AAK1: variants seen among roughly 807,000 people sequenced by gnomAD.
AAK1 encodes the protein AP2 associated kinase 1, also known as AP2-associated protein kinase 1.
A neutral mutation model predicts 116.0 loss-of-function variants in AAK1; 37 were observed. The ratio of observed to expected loss-of-function variants is 0.32; its 90% CI spans 0.25 to 0.42. The LOEUF (loss-of-function observed/expected upper bound fraction) is 0.42, where lower values mean the gene tolerates loss of function less well. AAK1 is among the 10% of genes least tolerant of loss of function. The probability of loss-of-function intolerance (pLI) is 1.00; values close to 1 mark genes in which losing one functional copy is unlikely to be tolerated. For missense variants in AAK1, 919 were observed against 1,170.6 expected, an observed-to-expected ratio of 0.79 and a Z score of 3.14; for synonymous variants, 458 against 439.9, an observed-to-expected ratio of 1.04 and a Z score of -0.51.
chr2:69,503,502 G>A (rs1176557748), intron 16 of AAK1, among the ~76,000 whole-genome samples: 1 of 152,124 alleles, frequency 6.6e-6, no homozygotes, highest in South Asian at 2.1e-4. Flanking sequence ...TACATCTGGT[G>A]TATCCTAGAA....
Position 69,471,258 on chromosome 2 carries a change from T to C in AAK1, c.*4611A>G, listed in dbSNP as rs1347605033. On this transcript the variant is annotated 3_prime_UTR_variant, in exon 22 of 22. Coordinates refer to ENST00000409085, the MANE Select transcript of AAK1 (RefSeq NM_014911.5). ...CATTTGGTAACTTCTTTGCATAGGT[T>C]AGCATTACCCAAGGAGCCTCCCTAT... 1.0e-6 allele frequency: 1 copy of C among 985,320 alleles called. No homozygotes were observed. The highest frequency in any genetic ancestry group is 1.1e-4 in the East Asian group (1 of 8,830). 61.0% of individuals were successfully genotyped at this position (985,320 alleles called of 1,614,324 possible).
At chr2:69,500,698 T>TATGTATATATATACAC in intron 16 of AAK1, among the ~76,000 whole-genome samples, 3 of 65,102 alleles carry the variant, frequency 4.6e-5, no homozygotes, top group African/African-American at 2.4e-4. Flanking sequence ...TATATATATA[T>TATGTATATATATACAC]ACACACACAC....
In AAK1 at chr2:69,632,989, G is replaced by C. The variant is rs995173345; in HGVS notation, c.163+9889C>G. On this transcript the variant is annotated intron_variant, in intron 2 of 21. Coordinates refer to ENST00000409085, the MANE Select transcript of AAK1 (RefSeq NM_014911.5). The stretch of plus-strand genomic sequence containing the variant: ...CAGAGCTCGCAGTGAGCCAAGATCA[G>C]GCCACTGCACTACAGCCTGGGTGAC... Among the ~76,000 whole-genome samples, 15 of 151,086 alleles carry C rather than the reference G, an allele frequency of 9.9e-5. 1 individual carries two copies. In the East Asian group the frequency reaches 2.7e-3, roughly 27 times the overall value.
intron 2 of AAK1, among the ~76,000 whole-genome samples, chr2:69,588,548 C>T (rs984065916): frequency 1.3e-5 from 2 of 152,206 alleles, no homozygotes; most frequent in African/African-American, 4.8e-5. Context: ...AAATCCTGCC[C>T]TCCAAATGAT....
intron 14 of AAK1, 129 bp from the exon 15 acceptor site, chr2:69,507,707 A>AT (rs5831976): frequency 0.045 from 29,796 of 662,676 alleles, 99 homozygotes; most frequent in African/African-American, 0.075. Context: ...CCACCACAGT[A>AT]TTTTTTTTTT....
chr2:69,640,574 A>C (rs772353335), intron 2 of AAK1, among the ~76,000 whole-genome samples: 5 of 152,214 alleles, frequency 3.3e-5, no homozygotes, highest in Non-Finnish European at 7.3e-5. Flanking sequence ...CATCCATCTC[A>C]GAACTTCATA....
At position 69,544,461 on chromosome 2, in the gene AAK1, C is replaced by A. The variant is rs1237661136; in HGVS notation, c.366G>T (p.Val122=). The A allele has an allele frequency of 6.2e-7, 1 of 1,613,308 alleles. No individual in the cohort carries two copies. The highest frequency in any genetic ancestry group is 1.7e-5 in the Admixed American group (1 of 60,018). The change falls in exon 4 of 22, where the codon GTG becomes GTT. Residue 122 remains valine, a synonymous_variant. Coordinates refer to ENST00000409085, the MANE Select transcript of AAK1 (RefSeq NM_014911.5). ...CTCTACAAAAGTCCATCAGAATGAG[C>A]ACTTCCCATACATCACCGCTACTCA... ...NNVSSGDVWE[V]LILMDFCRGG...
chr2:69,482,356 CAAA>C (rs879659957), intron 18 of AAK1: 544 of 411,386 alleles, frequency 1.3e-3, no homozygotes, highest in South Asian at 2.2e-3. Flanking sequence ...CTGTCTCAAA[CAAA>C]AAAAAAAAAA....
intron 2 of AAK1, among the ~76,000 whole-genome samples, chr2:69,593,429 G>A (rs1451579720): frequency 6.6e-6 from 1 of 151,186 alleles, no homozygotes; most frequent in Non-Finnish European, 1.5e-5. Context: ...TTTACCACAA[G>A]TAAATTTTTT....
chr2:69,589,005 A>C (rs1037635781), intron 2 of AAK1, among the ~76,000 whole-genome samples: 1 of 152,218 alleles, frequency 6.6e-6, no homozygotes, highest in Non-Finnish European at 1.5e-5. Flanking sequence ...TATATGAACA[A>C]TATGCTCACA....
chr2:69,533,119 C>T (rs761309672), intron 5 of AAK1, among the ~76,000 whole-genome samples: 15 of 152,132 alleles, frequency 9.9e-5, no homozygotes, highest in Middle Eastern at 3.2e-3. Flanking sequence ...CTTTTGCCTT[C>T]AGCCTTCCAA....
At chr2:69,625,604 T>G (rs896384837) in intron 2 of AAK1, among the ~76,000 whole-genome samples, 1 of 152,070 alleles carries the variant, frequency 6.6e-6, no homozygotes, top group African/African-American at 2.4e-5. Flanking sequence ...TGTGGTGAGG[T>G]CACTAAACAG....
At chr2:69,642,136 A>T (rs2105279471) in intron 2 of AAK1, among the ~76,000 whole-genome samples, 1 of 152,308 alleles carries the variant, frequency 6.6e-6, no homozygotes, top group African/African-American at 2.4e-5. Flanking sequence ...TTTATGCAGC[A>T]GATCTAAATA....
intron 3 of AAK1, among the ~76,000 whole-genome samples, chr2:69,553,331 G>A (rs992496659): frequency 6.6e-6 from 1 of 150,832 alleles, no homozygotes; most frequent in Non-Finnish European, 1.5e-5. Context: ...AAATATAGTA[G>A]AACGGTGCTT....
chr2:69,634,921 AG>A (rs1327119431), intron 2 of AAK1, among the ~76,000 whole-genome samples: 1 of 152,248 alleles, frequency 6.6e-6, no homozygotes, highest in East Asian at 1.9e-4. Context: ...GTCTCAAAAC[AG>A]TAGTGTACAA....
chr2:69,462,871 A>G lies in AAK1; in HGVS notation c.*12998T>C, dbSNP rs2104854676. ...TTGCATCCACTAATACATAAAAATC[A>G]GAAAGGAGAATTGGGAAAAAGCATA... On this transcript the variant is annotated 3_prime_UTR_variant, in exon 22 of 22. Transcript: ENST00000409085. 6.6e-6 allele frequency: 1 copy of G among 152,366 alleles called. No individual in the cohort carries two copies. The highest frequency in any genetic ancestry group is 3.4e-3 in the Middle Eastern group (1 of 294). 9.4% of individuals were successfully genotyped at this position (152,366 alleles called of 1,614,324 possible).
intron 2 of AAK1, among the ~76,000 whole-genome samples, chr2:69,569,578 A>C (rs1161513238): frequency 6.6e-6 from 1 of 152,136 alleles, no homozygotes; most frequent in African/African-American, 2.4e-5. Context: ...CAGGTAACCC[A>C]AACCCCCATC....
intron 2 of AAK1, among the ~76,000 whole-genome samples, chr2:69,616,752 T>C (rs1674347946): frequency 6.6e-6 from 1 of 152,202 alleles, no homozygotes; most frequent in African/African-American, 2.4e-5. Flanking sequence ...CTGGTCTAAA[T>C]GGAAAAAGGG....
rs1371890531 is a variant in AAK1, at chr2:69,500,690, TATATATATACACACACAC to T, written c.2270-4628_2270-4611del. ...ATATATATATATATATATATATATA[TATATATATACACACACAC>T]ACACACACACACACACACACACACA... On this transcript the variant is annotated intron_variant, in intron 16 of 21. Coordinates refer to ENST00000409085, the MANE Select transcript of AAK1 (RefSeq NM_014911.5). 1.6e-4 allele frequency among the ~76,000 whole-genome samples: 18 copies of T among 114,076 alleles called. 1 individual carries two copies. Among genetic ancestry groups the T allele is most frequent in the East Asian group, 5.2e-4 (2 of 3,846 alleles). The allele number at this position is 114,076 out of a possible 152,430, so 74.8% of individuals were successfully genotyped here.
Sources: gnomAD v4.1 joint callset for allele counts (sites outside exome capture counted in the v4.1 genomes callset) on GRCh38, gnomAD v4.1.1 for gene constraint, MANE v1.5 for transcripts, NCBI Gene and HGNC (gene_info 2026-07-23, HGNC 2026-07-21) for gene names.